Variants in ADGRB3 observed in about 807,000 individuals in gnomAD.
ADGRB3 encodes brain-specific angiogenesis inhibitor 3.
In ADGRB3, 37 loss-of-function variants were observed where a neutral mutation model predicts 193.4. That is an observed-to-expected ratio of 0.19 (90% CI 0.15 to 0.25). The LOEUF (loss-of-function observed/expected upper bound fraction) is 0.25. Ranked by LOEUF, ADGRB3 falls within the 10% of genes least tolerant of loss-of-function variation. ADGRB3 has a pLI of 1.00. For synonymous variants in ADGRB3, 690 were observed against 644.2 expected (o/e 1.07, Z -1.08); for missense variants, 1,637 against 1,852.9 (o/e 0.88, Z 2.14).
At chr6:68,677,600 C>A (rs1385322963) in intron 3 of ADGRB3, among the ~76,000 whole-genome samples, 1 of 149,936 alleles carries the variant, frequency 6.7e-6, no homozygotes, top group East Asian at 2.0e-4. Context: ...TCACTGCAAC[C>A]TCTGCCTCCT....
At chr6:68,981,613 G>T (rs1332615136) in intron 10 of ADGRB3, among the ~76,000 whole-genome samples, 1 of 151,388 alleles carries the variant, frequency 6.6e-6, no homozygotes, top group Non-Finnish European at 1.5e-5. Context: ...ATGCCATATG[G>T]CTTATGTTGC....
chr6:69,071,101 G>A (rs904387672), intron 16 of ADGRB3, among the ~76,000 whole-genome samples: 1 of 152,138 alleles, frequency 6.6e-6, no homozygotes, highest in Admixed American at 6.6e-5. Flanking sequence ...ATGGTTCTTG[G>A]AATGTAATAG....
intron 11 of ADGRB3, among the ~76,000 whole-genome samples, chr6:69,007,797 G>A (rs1425001798): frequency 6.6e-6 from 1 of 151,314 alleles, no homozygotes; most frequent in Non-Finnish European, 1.5e-5. Context: ...GTCCATTTGT[G>A]ATGCTATAAC....
chr6:69,145,223 G>A (rs1257693605), intron 17 of ADGRB3, among the ~76,000 whole-genome samples: 1 of 152,218 alleles, frequency 6.6e-6, no homozygotes, highest in Non-Finnish European at 1.5e-5. Flanking sequence ...GTGTGAGCAA[G>A]TGAGCATGGG....
intron 11 of ADGRB3, among the ~76,000 whole-genome samples, chr6:69,011,165 G>GTT: frequency 7.5e-6 from 1 of 133,234 alleles, no homozygotes; most frequent in African/African-American, 2.7e-5. Context: ...GTGTGTGTGT[G>GTT]TGTATATATA....
chr6:69,289,382 A>G (rs142003919), intron 20 of ADGRB3, among the ~76,000 whole-genome samples: 1 of 152,292 alleles, frequency 6.6e-6, no homozygotes, highest in Admixed American at 6.5e-5. Context: ...GGTTGTCAAA[A>G]CAACCAAAAA....
chr6:68,658,867 A>G (rs1221515014), intron 3 of ADGRB3, among the ~76,000 whole-genome samples: 1 of 151,094 alleles, frequency 6.6e-6, no homozygotes, highest in Non-Finnish European at 1.5e-5. Flanking sequence ...TAAAACTAGA[A>G]TTACAATTAT....
chr6:69,022,559 C>T (rs1770300854), intron 13 of ADGRB3, among the ~76,000 whole-genome samples: 1 of 151,850 alleles, frequency 6.6e-6, no homozygotes, highest in African/African-American at 2.4e-5. Flanking sequence ...CTTCCAGAAA[C>T]TCTAATTGCC....
At chr6:68,993,120 T>G (rs1396266437) in intron 10 of ADGRB3, among the ~76,000 whole-genome samples, 1 of 152,156 alleles carries the variant, frequency 6.6e-6, no homozygotes, top group East Asian at 1.9e-4. Flanking sequence ...ATCAAACTAA[T>G]TTAAGCTTTG....
chr6:69,324,851 T>C, intron 20 of ADGRB3, 21 bp from the exon 21 acceptor site: 1 of 1,610,770 alleles, frequency 6.2e-7, no homozygotes, highest in Non-Finnish European at 8.5e-7. Flanking sequence ...TGTGAGTCTT[T>C]TTGTTTGTTT....
chr6:68,776,722 C>T (rs994362101), intron 3 of ADGRB3, among the ~76,000 whole-genome samples: 6 of 152,030 alleles, frequency 3.9e-5, no homozygotes, highest in Admixed American at 3.9e-4. Context: ...GGAAAGTAAA[C>T]AAATCTAAGA....
chr6:69,074,548 T>G (rs976900625), intron 16 of ADGRB3, among the ~76,000 whole-genome samples: 13 of 149,730 alleles, frequency 8.7e-5, no homozygotes, highest in Non-Finnish European at 1.3e-4. Flanking sequence ...TTTTTTTTTT[T>G]TTTTTTTTTT....
At chr6:69,365,856 A>G (rs1769556978) in intron 29 of ADGRB3, among the ~76,000 whole-genome samples, 1 of 152,076 alleles carries the variant, frequency 6.6e-6, no homozygotes, top group African/African-American at 2.4e-5. Context: ...TGCCTCCCTT[A>G]CAGCTGTTGT....
At chr6:69,104,193 G>A (rs1316429733) in intron 17 of ADGRB3, among the ~76,000 whole-genome samples, 3 of 85,626 alleles carry the variant, frequency 3.5e-5, no homozygotes, top group Non-Finnish European at 4.5e-5. Context: ...CCCCTCCCCC[G>A]ACCCCACAAC....
intron 29 of ADGRB3, among the ~76,000 whole-genome samples, chr6:69,364,787 C>T (rs183972719): frequency 6.6e-6 from 1 of 152,104 alleles, no homozygotes; most frequent in East Asian, 1.9e-4. Flanking sequence ...AGTCATTTAC[C>T]TTCAATTAAT....
chr6:69,031,019 T>TCTTTTCTTTC (rs1562128732), intron 13 of ADGRB3, among the ~76,000 whole-genome samples: 1 of 95,818 alleles, frequency 1.0e-5, no homozygotes, highest in Non-Finnish European at 2.2e-5. Flanking sequence ...TCTTTTCTTT[T>TCTTTTCTTTC]TTTTTTCCTC....
At chr6:69,304,365 T>C (rs1426201006) in intron 20 of ADGRB3, among the ~76,000 whole-genome samples, 1 of 151,616 alleles carries the variant, frequency 6.6e-6, no homozygotes, top group African/African-American at 2.4e-5. Context: ...TCCCTGATTC[T>C]AGGACTTTGA....
chr6:68,986,725 A>G (rs1370909427), intron 10 of ADGRB3, among the ~76,000 whole-genome samples: 1 of 152,176 alleles, frequency 6.6e-6, no homozygotes, highest in African/African-American at 2.4e-5. Context: ...TTTTAATTGA[A>G]GCCACTTAGA....
intron 30 of ADGRB3, among the ~76,000 whole-genome samples, chr6:69,374,943 T>TCC (rs1769782813): frequency 6.6e-6 from 1 of 151,986 alleles, no homozygotes; most frequent in Non-Finnish European, 1.5e-5. Context: ...TTCAAAGATA[T>TCC]CCACATTAGA....
Sources: gnomAD v4.1 joint callset for allele counts (sites outside exome capture counted in the v4.1 genomes callset) on GRCh38, gnomAD v4.1.1 for gene constraint, MANE v1.5 for transcripts, NCBI Gene and HGNC (gene_info 2026-07-23, HGNC 2026-07-21) for gene names.